NHSL1: variants seen among roughly 807,000 people sequenced by gnomAD.
The protein encoded by NHSL1 is NHS-like protein 1.
A neutral mutation model predicts 95.0 loss-of-function variants in NHSL1; 48 were observed. The observed-to-expected ratio is 0.51, with a 90% CI of 0.40 to 0.64. The LOEUF (loss-of-function observed/expected upper bound fraction) is 0.64. Among genes scored for constraint, NHSL1 ranks in the 30% least tolerant of loss-of-function variants. The pLI is 0.00. For missense variants in NHSL1, 1,971 were observed against 2,077.7 expected (o/e 0.95, Z 1.00); for synonymous variants, 783 against 833.9 (o/e 0.94, Z 1.05).
At chr6:138,683,814 A>AAAT (rs1214843349) in intron 1 of NHSL1, among the ~76,000 whole-genome samples, 2 of 152,232 alleles carry the variant, frequency 1.3e-5, no homozygotes, top group African/African-American at 2.4e-5. Context: ...TGTCACACAG[A>AAAT]AATAATAATA....
chr6:138,468,296 T>C (rs577650889), intron 3 of NHSL1, among the ~76,000 whole-genome samples: 1 of 152,346 alleles, frequency 6.6e-6, no homozygotes, highest in East Asian at 1.9e-4. Context: ...CTCACCATTA[T>C]GTTACAATTA....
chr6:138,436,754 A>G (rs1241816137), intron 5 of NHSL1, among the ~76,000 whole-genome samples: 2 of 152,206 alleles, frequency 1.3e-5, no homozygotes, highest in African/African-American at 2.4e-5. Context: ...GACTCTTGTT[A>G]CAGCCAAAGT....
intron 3 of NHSL1, among the ~76,000 whole-genome samples, chr6:138,470,159 T>G (rs1248222353): frequency 6.6e-6 from 1 of 152,196 alleles, no homozygotes; most frequent in African/African-American, 2.4e-5. Context: ...TGATTTAACA[T>G]TTTTCTAATA....
At position 138,639,333 on chromosome 6, in the gene NHSL1, AT is replaced by A. The variant is rs112591439; in HGVS notation, c.96+53142del. On this transcript the variant is annotated intron_variant, in intron 1 of 3. Transcript: ENST00000491526. Reference sequence around the variant, plus strand: ...CCCCTATAACAACTTTTATTCATTGATTTTTTTTTTTAAGTTGATGTATGGC... The same window carrying A: ...CCCCTATAACAACTTTTATTCATTGATTTTTTTTTTAAGTTGATGTATGGC... Among the ~76,000 whole-genome samples, 42 of 148,940 alleles carry A rather than the reference AT, an allele frequency of 2.8e-4. No individual in the cohort carries two copies. The Middle Eastern group carries it at 0.01, about 36-fold the overall frequency.
At chr6:138,466,129 T>C (rs1267944751) in intron 3 of NHSL1, among the ~76,000 whole-genome samples, 1 of 149,550 alleles carries the variant, frequency 6.7e-6, no homozygotes, top group Non-Finnish European at 1.5e-5. Flanking sequence ...AAGCTCCGCC[T>C]CCCGGGTTCA....
chr6:138,651,503 C>T (rs1785093020), intron 1 of NHSL1, among the ~76,000 whole-genome samples: 1 of 152,214 alleles, frequency 6.6e-6, no homozygotes, highest in Non-Finnish European at 1.5e-5. Context: ...CTTCAATGCT[C>T]ACTCAGAAAT....
At chr6:138,535,109 G>A (rs147151759) in intron 1 of NHSL1, among the ~76,000 whole-genome samples, 80 of 152,256 alleles carry the variant, frequency 5.3e-4, no homozygotes, top group African/African-American at 1.9e-3. Flanking sequence ...CTGGCTACTG[G>A]GTTGAAAGTA....
At chr6:138,574,673 A>C (rs9495138), upstream of NHSL1, among the ~76,000 whole-genome samples, 35,555 of 131,538 alleles carry the variant, frequency 0.27, 5,396 homozygotes, top group African/African-American at 0.51. Context: ...CAAATAATGC[A>C]AAAAAAAAAA....
chr6:138,470,372 C>T lies in NHSL1; in HGVS notation c.339+2934G>A, dbSNP rs117949024. Among the ~76,000 whole-genome samples, 852 of 152,290 alleles carry T rather than the reference C, an allele frequency of 5.6e-3. 2 individuals carry two copies. Among genetic ancestry groups the T allele is most frequent in the Non-Finnish European group, 9.5e-3 (645 of 68,008 alleles). On this transcript the variant is annotated intron_variant, in intron 3 of 7. Coordinates refer to ENST00000343505, the MANE Select transcript of NHSL1 (RefSeq NM_001144060.2). ...TGGTGCAAACACGTCTCACTGTAGC[C>T]TTGACTTCCCGGGCTTAAGCAATCC...
Position 138,454,400 on chromosome 6 carries a change from G to A in NHSL1, c.340-7207C>T, listed in dbSNP as rs146622155. 4.5e-4 allele frequency among the ~76,000 whole-genome samples: 68 copies of A among 152,208 alleles called. No individual in the cohort carries two copies. The East Asian group carries it at 0.013, about 29-fold the overall frequency. ...GATGGACAATTGGGTTGTAAAAGATGCTCTTTGTATTATCTCAACAATGCA... is the reference window on the plus strand; with the variant it reads ...GATGGACAATTGGGTTGTAAAAGATACTCTTTGTATTATCTCAACAATGCA... On this transcript the variant is annotated intron_variant, in intron 3 of 7. Coordinates refer to ENST00000343505, the MANE Select transcript of NHSL1 (RefSeq NM_001144060.2).
chr6:138,511,141 C>T (rs1373764651), intron 1 of NHSL1, among the ~76,000 whole-genome samples: 1 of 152,202 alleles, frequency 6.6e-6, no homozygotes, highest in Admixed American at 6.5e-5. Flanking sequence ...TCTTCATCAG[C>T]ATCATGGAGG....
intron 1 of NHSL1, among the ~76,000 whole-genome samples, chr6:138,581,258 T>A (rs143583237): frequency 6.6e-6 from 1 of 152,352 alleles, no homozygotes; most frequent in East Asian, 1.9e-4. Flanking sequence ...TGAGATTTTT[T>A]GCACTCGTAC....
Position 138,457,814 on chromosome 6 carries a change from C to T in NHSL1, c.340-10621G>A, listed in dbSNP as rs143886251. Among the ~76,000 whole-genome samples the T allele has an allele frequency of 3.2e-3, 494 of 152,196 alleles. 8 individuals are homozygous for T. The highest frequency in any genetic ancestry group is 0.027 in the Admixed American group (417 of 15,286). On this transcript the variant is annotated intron_variant, in intron 3 of 7. Coordinates refer to ENST00000343505, the MANE Select transcript of NHSL1 (RefSeq NM_001144060.2). ...CACGAGGTCAGGAGCCCAAGACCAG[C>T]CTGGTCAACATAGTGAAACCCCGTC...
intron 1 of NHSL1, among the ~76,000 whole-genome samples, chr6:138,525,493 A>C (rs1781862691): frequency 6.6e-6 from 1 of 151,642 alleles, no homozygotes; most frequent in South Asian, 2.1e-4. Flanking sequence ...ATTCCACTAC[A>C]TTCCAGCCTG....
At chr6:138,516,202 A>G (rs1323994183) in intron 1 of NHSL1, among the ~76,000 whole-genome samples, 2 of 152,154 alleles carry the variant, frequency 1.3e-5, no homozygotes, top group Non-Finnish European at 2.9e-5. Context: ...GAAGCAAGGC[A>G]TGTAGTGATC....
At chr6:138,458,314 C>T (rs1244743664) in intron 3 of NHSL1, among the ~76,000 whole-genome samples, 1 of 152,220 alleles carries the variant, frequency 6.6e-6, no homozygotes. Context: ...TTCTTCCTTA[C>T]TGCTCTCTTG....
At chr6:138,691,063 C>T (rs1251613290) in intron 1 of NHSL1, among the ~76,000 whole-genome samples, 1 of 152,196 alleles carries the variant, frequency 6.6e-6, no homozygotes, top group Non-Finnish European at 1.5e-5. Flanking sequence ...TACCTACACC[C>T]TAGACAGAAA....
At chr6:138,689,114 C>A (rs1393349570) in intron 1 of NHSL1, among the ~76,000 whole-genome samples, 1 of 152,150 alleles carries the variant, frequency 6.6e-6, no homozygotes, top group Non-Finnish European at 1.5e-5. Flanking sequence ...TATAGTTATT[C>A]TTCCTGACAG....
At position 138,422,260 on chromosome 6, in the gene NHSL1, T is replaced by G. The variant is rs1002422159; in HGVS notation, c.*1821A>C. The stretch of plus-strand genomic sequence containing the variant: ...TCATATTCAAAAGCCAATGCCACTT[T>G]TCTAAAGAAACGATCTTTGTGCCAA... On this transcript the variant is annotated 3_prime_UTR_variant, in exon 8 of 8. Transcript: ENST00000343505. 1 of 152,250 alleles carries G rather than the reference T, an allele frequency of 6.6e-6. No homozygotes were observed. The highest frequency in any genetic ancestry group is 2.4e-5 in the African/African-American group (1 of 41,456). The allele number at this position is 152,250 out of a possible 1,614,324, so 9.4% of individuals were successfully genotyped here. A position where few individuals can be genotyped will look rare whatever the true frequency, so the allele number is the denominator to read the frequency against.
Sources: allele counts gnomAD v4.1 joint callset (sites outside exome capture counted in the v4.1 genomes callset), GRCh38; gene constraint gnomAD v4.1.1; transcripts MANE v1.5; gene names NCBI Gene and HGNC (gene_info 2026-07-23, HGNC 2026-07-21).